SCO1: variants seen among roughly 807,000 people sequenced by gnomAD.
SCO1 encodes the protein cytochrome c oxidase assembly factor SCO1.
In SCO1, 23 loss-of-function variants were observed where a neutral mutation model predicts 34.0. The observed-to-expected ratio is 0.68, with a 90% CI of 0.49 to 0.96. The LOEUF is 0.96. Among genes scored for constraint, SCO1 ranks in the 40% least tolerant of loss-of-function variants. SCO1 has a pLI of 0.00. For missense variants in SCO1, 404 were observed against 381.6 expected, an observed-to-expected ratio of 1.06 and a Z score of -0.49; for synonymous variants, 161 against 145.5, an observed-to-expected ratio of 1.11 and a Z score of -0.77.
In SCO1 at chr17:10,679,279, G is replaced by C. The variant is rs1287717047; in HGVS notation, c.*1840C>G. The C allele has an allele frequency of 2.0e-5, 3 of 152,158 alleles. 1 individual carries two copies. Among genetic ancestry groups the C allele is most frequent in the African/African-American group, 7.2e-5 (3 of 41,426 alleles). The allele number at this position is 152,158 out of a possible 1,614,324, so 9.4% of individuals were successfully genotyped here. On this transcript the variant is annotated 3_prime_UTR_variant, in exon 6 of 6. Transcript: ENST00000255390. ...TTATTTTAAGAACACCAGTCATATA[G>C]AATTAGGGCCAACCTAGCAGCCTCA... is the stretch of plus-strand genomic sequence containing the variant.
chr17:10,675,201 C>T lies in SCO1; in HGVS notation c.*5918G>A, dbSNP rs117255661. On this transcript the variant is annotated 3_prime_UTR_variant, in exon 6 of 6. Transcript: ENST00000255390. ...CACTGTCTCTGGGGCCTAAGTGTGGCTACTCTGCTCTGCCACACCACACCT... is the reference window on the plus strand; with the variant it reads ...CACTGTCTCTGGGGCCTAAGTGTGGTTACTCTGCTCTGCCACACCACACCT... The T allele has an allele frequency of 2.0e-3, 300 of 152,354 alleles. 1 individual carries two copies. In the East Asian group the frequency reaches 0.025, roughly 13 times the overall value. 9.4% of individuals were successfully genotyped at this position (152,354 alleles called of 1,614,324 possible).
Position 10,697,511 on chromosome 17 carries a change from C to G in SCO1, c.-4G>C, listed in dbSNP as rs1300369459. The G allele has an allele frequency of 6.2e-7, 1 of 1,613,224 alleles. No individual in the cohort carries two copies. The highest frequency in any genetic ancestry group is 8.5e-7 in the Non-Finnish European group (1 of 1,179,892). On this transcript the variant is annotated 5_prime_UTR_variant, in exon 1 of 6. Transcript: ENST00000255390. ...GTACTAGGACCAGCATCGCCATGAG[C>G]CTCGGAGACCGGGTCTCCTTTGACC...
rs138104028 is a variant in SCO1 at position 10,695,141 on chromosome 17, C to G, written c.364+600G>C. On this transcript the variant is annotated intron_variant, in intron 2 of 5. Coordinates refer to ENST00000255390, the MANE Select transcript of SCO1 (RefSeq NM_004589.4). The stretch of plus-strand genomic sequence containing the variant: ...CTGACCAGGCTCTTTTCACCTCCCC[C>G]TCATCCACAGAGGGCATGCAGTATC... 1.1e-3 allele frequency among the ~76,000 whole-genome samples: 167 copies of G among 152,350 alleles called. 1 individual carries two copies. The East Asian group carries it at 0.025, about 22-fold the overall frequency.
chr17:10,686,109 G>A (rs964751770), intron 5 of SCO1, among the ~76,000 whole-genome samples: 3 of 152,162 alleles, frequency 2.0e-5, no homozygotes, highest in African/African-American at 4.8e-5. Flanking sequence ...AGGCGTGGGA[G>A]CACATGCCTG....
At chr17:10,690,888 T>C (rs2074685324) in intron 4 of SCO1, among the ~76,000 whole-genome samples, 1 of 152,086 alleles carries the variant, frequency 6.6e-6, no homozygotes, top group Non-Finnish European at 1.5e-5. Context: ...TTTGTGGCAA[T>C]GGAGATGAGC....
At position 10,679,893 on chromosome 17, in the gene SCO1, G is replaced by C. The variant is rs1484793667; in HGVS notation, c.*1226C>G. On this transcript the variant is annotated 3_prime_UTR_variant, in exon 6 of 6. Coordinates refer to ENST00000255390, the MANE Select transcript of SCO1 (RefSeq NM_004589.4). The stretch of plus-strand genomic sequence containing the variant: ...TGGGCTCAAGTGATACTCCATTTCA[G>C]TCTCCTGAGTAGCCAGGACTACAGG... 1 of 122,280 alleles carries C rather than the reference G, an allele frequency of 8.2e-6. No homozygotes were observed. Among genetic ancestry groups the C allele is most frequent in the Non-Finnish European group, 1.6e-5 (1 of 62,650 alleles). The allele number at this position is 122,280 out of a possible 1,614,324, so 7.6% of individuals were successfully genotyped here.
intron 1 of SCO1, among the ~76,000 whole-genome samples, chr17:10,696,071 TAAAAAAAAAAAA>T (rs869243005): frequency 2.7e-5 from 2 of 72,996 alleles, no homozygotes; most frequent in African/African-American, 5.4e-5. Flanking sequence ...TTCATGTAAA[TAAAAAAAAAAAA>T]AAAAAAAAAA....
Position 10,680,849 on chromosome 17 carries a change from A to T in SCO1, c.*270T>A, listed in dbSNP as rs76465133. Reference sequence around the variant, plus strand: ...GCCTCGCCCCGCCATGTCCTTCCACAGGTGGGCTCTTCACTGGCTTCACTT... The same window carrying T: ...GCCTCGCCCCGCCATGTCCTTCCACTGGTGGGCTCTTCACTGGCTTCACTT... On this transcript the variant is annotated 3_prime_UTR_variant, in exon 6 of 6. Coordinates refer to ENST00000255390, the MANE Select transcript of SCO1 (RefSeq NM_004589.4). 3.8e-3 allele frequency: 1,943 copies of T among 510,036 alleles called. 41 individuals carry two copies. The highest frequency in any genetic ancestry group is 0.027 in the East Asian group (731 of 27,104). The allele number at this position is 510,036 out of a possible 1,614,324, so 31.6% of individuals were successfully genotyped here.
At chr17:10,685,800 C>T (rs2074651768) in intron 5 of SCO1, among the ~76,000 whole-genome samples, 1 of 152,218 alleles carries the variant, frequency 6.6e-6, no homozygotes, top group Non-Finnish European at 1.5e-5. Flanking sequence ...CAAATGATGG[C>T]TTCTCTTTAT....
At chr17:10,684,257 A>G (rs2074640141) in intron 5 of SCO1, among the ~76,000 whole-genome samples, 1 of 152,290 alleles carries the variant, frequency 6.6e-6, no homozygotes, top group East Asian at 1.9e-4. Flanking sequence ...CTGTGTTGTG[A>G]GTATAAATTT....
In SCO1 at chr17:10,678,623, T is replaced by A. The variant is rs555838199; in HGVS notation, c.*2496A>T. 1.3e-5 allele frequency: 2 copies of A among 152,332 alleles called. No individual in the cohort carries two copies. The highest frequency in any genetic ancestry group is 3.9e-4 in the East Asian group (2 of 5,186). 9.4% of individuals were successfully genotyped at this position (152,332 alleles called of 1,614,324 possible). A position where few individuals can be genotyped will look rare whatever the true frequency, so the allele number is the denominator to read the frequency against. On this transcript the variant is annotated 3_prime_UTR_variant, in exon 6 of 6. Transcript: ENST00000255390. Reference sequence around the variant, plus strand: ...TTGAGATACTTAATATCTCTTTTGTTAAATGAGAATAGTCTTTTAGTAAGT... The same window carrying A: ...TTGAGATACTTAATATCTCTTTTGTAAAATGAGAATAGTCTTTTAGTAAGT...
In SCO1 at chr17:10,677,521, T is replaced by C. The variant is rs140431636; in HGVS notation, c.*3598A>G. On this transcript the variant is annotated 3_prime_UTR_variant, in exon 6 of 6. Coordinates refer to ENST00000255390, the MANE Select transcript of SCO1 (RefSeq NM_004589.4). ...AATGTCAATTTCTTTTAAACATAAATTTAAGAACAATAAAAGCTATTTTAA... is the reference window on the plus strand; with the variant it reads ...AATGTCAATTTCTTTTAAACATAAACTTAAGAACAATAAAAGCTATTTTAA... 135 of 152,306 alleles carry C rather than the reference T, an allele frequency of 8.9e-4. 1 individual carries two copies. Among genetic ancestry groups the C allele is most frequent in the African/African-American group, 2.7e-3 (114 of 41,566 alleles). The allele number at this position is 152,306 out of a possible 1,614,324, so 9.4% of individuals were successfully genotyped here. A position where few individuals can be genotyped will look rare whatever the true frequency, so the allele number is the denominator to read the frequency against.
chr17:10,683,007 G>C (rs1158178372), intron 5 of SCO1, among the ~76,000 whole-genome samples: 1 of 152,212 alleles, frequency 6.6e-6, no homozygotes, highest in Non-Finnish European at 1.5e-5. Flanking sequence ...AGTTTTTCTA[G>C]TGTGCAAGTT....
At chr17:10,686,472 C>T (rs935118339) in intron 5 of SCO1, among the ~76,000 whole-genome samples, 4 of 150,550 alleles carry the variant, frequency 2.7e-5, no homozygotes, top group African/African-American at 7.4e-5. Flanking sequence ...ATCCCAGCTA[C>T]TCGGGAGGCT....
chr17:10,683,190 C>A (rs562427489), intron 5 of SCO1, among the ~76,000 whole-genome samples: 45 of 152,256 alleles, frequency 3.0e-4, no homozygotes, highest in African/African-American at 1.1e-3. Flanking sequence ...CGAAGAAATT[C>A]TCTGCATCTA....
At chr17:10,690,737 CTA>C (rs2074684683) in intron 4 of SCO1, among the ~76,000 whole-genome samples, 1 of 152,148 alleles carries the variant, frequency 6.6e-6, no homozygotes, top group Non-Finnish European at 1.5e-5. Context: ...GTCTGCATTC[CTA>C]TGTTTACCAC....
At chr17:10,693,168 T>A (rs1469263880) in intron 2 of SCO1, among the ~76,000 whole-genome samples, 1 of 152,188 alleles carries the variant, frequency 6.6e-6, no homozygotes, top group Non-Finnish European at 1.5e-5. Flanking sequence ...AATGCTATGG[T>A]ATGTTGTAAA....
rs760087568 is a variant in SCO1, at chr17:10,697,303, T to C, written c.205A>G (p.Thr69Ala). The C allele has an allele frequency of 3.2e-6, 5 of 1,567,310 alleles. No individual in the cohort carries two copies. Among genetic ancestry groups the C allele is most frequent in the Non-Finnish European group, 4.3e-6 (5 of 1,156,930 alleles). The change falls in exon 1 of 6, where the codon ACT (threonine) becomes GCT (alanine). Residue 69 changes from threonine to alanine, a missense_variant. By Grantham distance (58) the Thr-to-Ala change is moderately conservative. Coordinates refer to ENST00000255390, the MANE Select transcript of SCO1 (RefSeq NM_004589.4). ...GYCLGTRPLS[T>A]ARPPPPWSQK... is the part of the protein sequence containing the mutation. ...GACCACGGGGGTGGCGGCCTCGCAGTGCTGAGGGGCCGGGTTCCCAGGCAA... is the reference window on the plus strand; with the variant it reads ...GACCACGGGGGTGGCGGCCTCGCAGCGCTGAGGGGCCGGGTTCCCAGGCAA...
At chr17:10,693,326 T>C (rs1270500896) in intron 2 of SCO1, among the ~76,000 whole-genome samples, 1 of 152,096 alleles carries the variant, frequency 6.6e-6, no homozygotes, top group Admixed American at 6.6e-5. Flanking sequence ...ATAGGGAGTC[T>C]GATCCTGAGG....
Sources: gnomAD v4.1 joint callset for allele counts (sites outside exome capture counted in the v4.1 genomes callset) on GRCh38, gnomAD v4.1.1 for gene constraint, MANE v1.5 for transcripts, NCBI Gene and HGNC (gene_info 2026-07-23, HGNC 2026-07-21) for gene names.